ZNF536: variants seen among roughly 807,000 people sequenced by gnomAD.
The protein encoded by ZNF536 is zinc finger protein 536.
In ZNF536, 13 loss-of-function variants were observed where a neutral mutation model predicts 84.5. The ratio of observed to expected loss-of-function variants is 0.15; its 90% CI spans 0.10 to 0.24. The LOEUF (loss-of-function observed/expected upper bound fraction) is 0.24. ZNF536 is among the 10% of genes least tolerant of loss of function. The probability of loss-of-function intolerance (pLI) is 1.00; values close to 1 mark genes in which losing one functional copy is unlikely to be tolerated. For synonymous variants in ZNF536, 811 were observed against 742.5 expected (o/e 1.09, Z -1.50); for missense variants, 1,536 against 1,747.5 (o/e 0.88, Z 2.16).
intron 3 of ZNF536, among the ~76,000 whole-genome samples, chr19:30,544,007 G>C (rs1568534759): frequency 6.6e-6 from 1 of 152,188 alleles, no homozygotes; most frequent in Non-Finnish European, 1.5e-5. Flanking sequence ...AAAGGGAAGC[G>C]AGGGCTTTGA....
At chr19:30,519,443 C>T (rs1287999351) in intron 2 of ZNF536, among the ~76,000 whole-genome samples, 4 of 152,198 alleles carry the variant, frequency 2.6e-5, no homozygotes, top group Non-Finnish European at 5.9e-5. Flanking sequence ...GAGCCCTGCA[C>T]TCTCTCAAGG....
intron 1 of ZNF536, among the ~76,000 whole-genome samples, chr19:30,257,413 A>G (rs2024969516): frequency 6.6e-6 from 1 of 152,246 alleles, no homozygotes; most frequent in South Asian, 2.1e-4. Flanking sequence ...GTCAAGGCCA[A>G]GTCTGGGGTC....
chr19:30,470,708 T>C (rs2053598223), intron 2 of ZNF536, among the ~76,000 whole-genome samples: 1 of 145,640 alleles, frequency 6.9e-6, no homozygotes, highest in African/African-American at 2.6e-5. Flanking sequence ...TTTTTTGAGA[T>C]GGAGTCTCGC....
chr19:30,472,816 T>C lies in ZNF536; in HGVS notation c.2170+27084T>C, dbSNP rs533550788. Among the ~76,000 whole-genome samples, 83 of 152,252 alleles carry C rather than the reference T, an allele frequency of 5.5e-4. 1 individual carries two copies. Among genetic ancestry groups the C allele is most frequent in the African/African-American group, 1.9e-3 (81 of 41,544 alleles). ...CCTGCAGTTTCTGGAATGGTCTATG[T>C]TGTCCAATGCTGCAAGGAAGTGCTC... On this transcript the variant is annotated intron_variant, in intron 2 of 4. Transcript: ENST00000355537.
At chr19:30,384,210 C>T (rs868238939) in intron 1 of ZNF536, among the ~76,000 whole-genome samples, 609 of 36,870 alleles carry the variant, frequency 0.017, 28 homozygotes, top group Middle Eastern at 0.056. Flanking sequence ...CTTCCATCCT[C>T]CCTCCCTCCC....
At chr19:30,711,291 G>C (rs1342249666) in exon 2 of ZNF536, 2 of 152,126 alleles carry the variant, frequency 1.3e-5, no homozygotes, top group Non-Finnish European at 2.9e-5. Context: ...GCTGGAGAGA[G>C]CTGGGGGCCC....
At chr19:30,350,619 C>T (rs541141837) in intron 2 of ZNF536, among the ~76,000 whole-genome samples, 8 of 152,238 alleles carry the variant, frequency 5.3e-5, no homozygotes, top group African/African-American at 1.9e-4. Context: ...TTGAGACATG[C>T]TCTGAATAAT....
chr19:30,293,424 G>A (rs1399320737), intron 2 of ZNF536, among the ~76,000 whole-genome samples: 1 of 152,204 alleles, frequency 6.6e-6, no homozygotes, highest in Non-Finnish European at 1.5e-5. Context: ...AGTACTTAGG[G>A]GATGTTGGGG....
chr19:30,302,769 A>T (rs941482533), intron 2 of ZNF536, among the ~76,000 whole-genome samples: 2 of 151,880 alleles, frequency 1.3e-5, no homozygotes, highest in Admixed American at 1.3e-4. Context: ...CCAATCCTCC[A>T]GATAAACCCC....
At chr19:30,689,691 A>G (rs959575871) in intron 1 of ZNF536, among the ~76,000 whole-genome samples, 9 of 152,314 alleles carry the variant, frequency 5.9e-5, no homozygotes, top group African/African-American at 1.9e-4. Flanking sequence ...ATCTGGGGGC[A>G]AATGCCTTCC....
At chr19:30,592,846 G>A (rs141260280) in intron 1 of ZNF536, among the ~76,000 whole-genome samples, 50 of 152,296 alleles carry the variant, frequency 3.3e-4, no homozygotes, top group Middle Eastern at 3.4e-3. Flanking sequence ...TAGATATAGC[G>A]CATTTCTCAC....
At chr19:30,618,967 A>G (rs927329684) in intron 1 of ZNF536, among the ~76,000 whole-genome samples, 2 of 151,994 alleles carry the variant, frequency 1.3e-5, no homozygotes, top group Non-Finnish European at 2.9e-5. Flanking sequence ...TTCTTTTTGT[A>G]TTTGTATAAG....
rs568098692 is a variant in ZNF536, at chr19:30,291,001, C to T, written c.-120+6860C>T. 4.0e-3 allele frequency among the ~76,000 whole-genome samples: 602 copies of T among 152,270 alleles called. 5 individuals carry two copies. Among genetic ancestry groups the T allele is most frequent in the African/African-American group, 0.014 (580 of 41,552 alleles). ...ATGGTTTCCAGCTTCATCCATGTCC[C>T]TGCAAAGGACATGAACTCATCCTTT... On this transcript the variant is annotated intron_variant, in intron 2 of 5. Transcript: ENST00000585628.
intron 2 of ZNF536, among the ~76,000 whole-genome samples, chr19:30,456,119 T>C (rs2052827929): frequency 6.6e-6 from 1 of 152,222 alleles, no homozygotes; most frequent in Admixed American, 6.5e-5. Context: ...GGTTCAGATT[T>C]GGACCCTGGG....
At chr19:30,536,353 G>A (rs904757873) in intron 3 of ZNF536, among the ~76,000 whole-genome samples, 4 of 152,122 alleles carry the variant, frequency 2.6e-5, no homozygotes, top group Non-Finnish European at 4.4e-5. Flanking sequence ...TCTATTCGGA[G>A]AGGCTGCCCC....
intron 1 of ZNF536, among the ~76,000 whole-genome samples, chr19:30,229,511 C>T (rs1401741978): frequency 1.3e-5 from 2 of 152,140 alleles, no homozygotes; most frequent in African/African-American, 4.8e-5. Context: ...TCTTGTTTGC[C>T]GGCCAGCCTG....
chr19:30,385,380 T>C (rs2049297085), intron 1 of ZNF536, among the ~76,000 whole-genome samples: 1 of 152,136 alleles, frequency 6.6e-6, no homozygotes, highest in Non-Finnish European at 1.5e-5. Context: ...GAAGCAGTGC[T>C]GGTTGCACTG....
chr19:30,673,297 C>G (rs1045246138), intron 1 of ZNF536, among the ~76,000 whole-genome samples: 3 of 152,124 alleles, frequency 2.0e-5, no homozygotes, highest in African/African-American at 7.2e-5. Context: ...CATGACATCA[C>G]TGTTGTTTCA....
At chr19:30,475,661 G>T (rs1196932732) in intron 2 of ZNF536, among the ~76,000 whole-genome samples, 1 of 152,140 alleles carries the variant, frequency 6.6e-6, no homozygotes, top group African/African-American at 2.4e-5. Context: ...AAGAAACGGG[G>T]GTACAGCCAC....
Sources: allele counts gnomAD v4.1 joint callset (sites outside exome capture counted in the v4.1 genomes callset), GRCh38; gene constraint gnomAD v4.1.1; transcripts MANE v1.5; gene names NCBI Gene and HGNC (gene_info 2026-07-23, HGNC 2026-07-21).